Variants in C1QL4 observed in about 807,000 individuals in gnomAD.
C1QL4 encodes the protein complement C1q-like protein 4.
In C1QL4, 5 loss-of-function variants were observed where a neutral mutation model predicts 13.4. The ratio of observed to expected loss-of-function variants is 0.37; its 90% CI spans 0.19 to 0.78. The LOEUF is 0.78. Among genes scored for constraint, C1QL4 ranks in the 30% least tolerant of loss-of-function variants. C1QL4 has a pLI of 0.47. For missense variants in C1QL4, 367 were observed against 361.6 expected, an observed-to-expected ratio of 1.01 and a Z score of -0.12; for synonymous variants, 168 against 153.9, an observed-to-expected ratio of 1.09 and a Z score of -0.68.
intron 1 of C1QL4, among the ~76,000 whole-genome samples, chr12:49,333,687 C>A (rs1402661619): frequency 1.3e-5 from 2 of 151,380 alleles, no homozygotes; most frequent in Non-Finnish European, 2.9e-5. Flanking sequence ...CAGACGCCTA[C>A]TACCACGCCC....
Position 49,332,605 on chromosome 12 carries a change from G to C in C1QL4, c.*449C>G, listed in dbSNP as rs537986322. The C allele has an allele frequency of 6.2e-6, 1 of 162,000 alleles. No homozygotes were observed. Among genetic ancestry groups the C allele is most frequent in the African/African-American group, 2.4e-5 (1 of 41,554 alleles). The allele number at this position is 162,000 out of a possible 1,614,324, so 10.0% of individuals were successfully genotyped here. A position where few individuals can be genotyped will look rare whatever the true frequency, so the allele number is the denominator to read the frequency against. ...GGAGACGAGGGGACGAGAGGGTGGC[G>C]AGAGAAAGTTGTGACGGAGAACCTG... On this transcript the variant is annotated 3_prime_UTR_variant, in exon 2 of 2. Transcript: ENST00000334221.
chr12:49,335,871 T>C (rs1943626394), intron 1 of C1QL4, 70 bp downstream of exon 1: 1 of 1,508,326 alleles, frequency 6.6e-7, no homozygotes, highest in Non-Finnish European at 9.0e-7. Flanking sequence ...TAATCTCAGG[T>C]TGTGGGATGA....
chr12:49,332,498 G>C lies in C1QL4; in HGVS notation c.*556C>G. On this transcript the variant is annotated 3_prime_UTR_variant, in exon 2 of 2. Transcript: ENST00000334221. ...GGGGGGAATGGGGACTGTACAGAAT[G>C]CGTTTTAAATGCCAGGAAAGAATTC... 1 of 160,092 alleles carries C rather than the reference G, an allele frequency of 6.2e-6. No individual in the cohort carries two copies. The highest frequency in any genetic ancestry group is 1.7e-4 in the South Asian group (1 of 5,820). The allele number at this position is 160,092 out of a possible 1,614,324, so 9.9% of individuals were successfully genotyped here.
chr12:49,333,184 G>A lies in C1QL4; in HGVS notation c.587C>T (p.Ala196Val). Reference protein sequence around the residue: ...AQDADQNYDYASNSVILHLDV... With the variant: ...AQDADQNYDYVSNSVILHLDV... ...CAGGTGCAGAATGACGCTGTTGCTG[G>A]CGTAGTCGTAGTTCTGGTCCGCGTC... Residue 196 changes from alanine (A) to valine (V), a missense_variant, in exon 2 of 2, where the codon GCC becomes GTC. Coordinates refer to ENST00000334221, the MANE Select transcript of C1QL4 (RefSeq NM_001008223.2). 6.2e-7 allele frequency: 1 copy of A among 1,614,130 alleles called. No homozygotes were observed. Among genetic ancestry groups the A allele is most frequent in the South Asian group, 1.1e-5 (1 of 91,078 alleles).
At chr12:49,333,378 G>T in intron 1 of C1QL4, 145 bp from the exon 2 acceptor site, 1 of 769,390 alleles carries the variant, frequency 1.3e-6, no homozygotes, top group Non-Finnish European at 2.0e-6. Context: ...TCACGGAGTT[G>T]CTCCAGCTCT....
At position 49,333,096 on chromosome 12, in the gene C1QL4, G is replaced by C; in HGVS notation, c.675C>G (p.Asn225Lys). The C allele has an allele frequency of 6.2e-7, 1 of 1,614,054 alleles. No homozygotes were observed. Among genetic ancestry groups the C allele is most frequent in the Non-Finnish European group, 8.5e-7 (1 of 1,179,946 alleles). The change falls in exon 2 of 2, where the codon AAC becomes AAG. Residue 225 changes from asparagine (N) to lysine (K), a missense_variant. Asn to Lys is a moderately conservative substitution (Grantham distance 94). Coordinates refer to ENST00000334221, the MANE Select transcript of C1QL4 (RefSeq NM_001008223.2). ...TGAAGCCGGAGAAGGTGCTGTACTT[G>C]TTGGTGTTGCCGCCGTGCACTTTCC... ...DGGKVHGGNT[N>K]KYSTFSGFII...
At chr12:49,335,818 G>C in intron 1 of C1QL4, 123 bp downstream of exon 1, 2 of 1,235,660 alleles carry the variant, frequency 1.6e-6, no homozygotes, top group South Asian at 2.9e-5. Context: ...TATCGTTCTT[G>C]GCAGCCTCGC....
chr12:49,334,784 A>T (rs974997514), intron 1 of C1QL4, among the ~76,000 whole-genome samples: 1 of 152,060 alleles, frequency 6.6e-6, no homozygotes, highest in Non-Finnish European at 1.5e-5. Flanking sequence ...ACTCCCTGAC[A>T]CACATACATA....
chr12:49,335,306 CCA>C lies in C1QL4; in HGVS notation c.537+633_537+634del, dbSNP rs1184371279. Among the ~76,000 whole-genome samples, 4 of 152,384 alleles carry C rather than the reference CCA, an allele frequency of 2.6e-5. No individual in the cohort carries two copies. The East Asian group carries it at 7.7e-4, about 29-fold the overall frequency. ...CCTGGCTGGCCCTTGAGCTGCCAAG[CCA>C]CAGACTCTGCTGAGGGCAAGGCCGT... On this transcript the variant is annotated intron_variant, in intron 1 of 1. Transcript: ENST00000334221.
chr12:49,334,252 G>T (rs575194718), intron 1 of C1QL4, among the ~76,000 whole-genome samples: 1 of 152,144 alleles, frequency 6.6e-6, no homozygotes, highest in Non-Finnish European at 1.5e-5. Flanking sequence ...ATTCTGAACC[G>T]GCTGGGACCT....
At chr12:49,334,496 CT>C (rs1943616489) in intron 1 of C1QL4, among the ~76,000 whole-genome samples, 1 of 152,242 alleles carries the variant, frequency 6.6e-6, no homozygotes, top group Non-Finnish European at 1.5e-5. Context: ...TTCAGCCCCC[CT>C]CTTCTAGAGA....
Position 49,333,050 on chromosome 12 carries a change from C to T in C1QL4, c.*4G>A, listed in dbSNP as rs374251837. 5.0e-6 allele frequency: 8 copies of T among 1,609,200 alleles called. No homozygotes were observed. Among genetic ancestry groups the T allele is most frequent in the African/African-American group, 1.3e-5 (1 of 74,798 alleles). Reference sequence around the variant, plus strand: ...GGCGAGCGGGGGCACGGGGCGGGGCCGGCTCAGTCGGGGTAGATGATGAAG... The same window carrying T: ...GGCGAGCGGGGGCACGGGGCGGGGCTGGCTCAGTCGGGGTAGATGATGAAG... On this transcript the variant is annotated 3_prime_UTR_variant, in exon 2 of 2. Transcript: ENST00000334221.
chr12:49,333,147 G>T lies in C1QL4; in HGVS notation c.624C>A (p.Asp208Glu), dbSNP rs143197428. ...NSVILHLDVG[D>E]EVFIKLDGGK... is the part of the protein sequence containing the mutation. ...CGCCGTCCAGCTTGATGAAGACCTC[G>T]TCGCCCACGTCCAGGTGCAGAATGA... The change falls in exon 2 of 2, where the codon GAC (aspartate) becomes GAA (glutamate). Residue 208 changes from aspartate to glutamate, a missense_variant. By Grantham distance (45) the Asp-to-Glu change is conservative (BLOSUM62 2). Coordinates refer to ENST00000334221, the MANE Select transcript of C1QL4 (RefSeq NM_001008223.2). The T allele has an allele frequency of 2.7e-4, 442 of 1,614,176 alleles. No homozygotes were observed. Among genetic ancestry groups the T allele is most frequent in the Admixed American group, 7.3e-4 (44 of 60,028 alleles).
Position 49,336,608 on chromosome 12 carries a change from G to T in C1QL4, c.-131C>A. The stretch of plus-strand genomic sequence containing the variant: ...CGGGGCTCTCCGCGGGCCAGGAGGC[G>T]GTGACCCGCCTTGGGCCTGGGTCTG... On this transcript the variant is annotated 5_prime_UTR_variant, in exon 1 of 2. Transcript: ENST00000334221. The surrounding 1 kb of genome is among the most constrained non-coding windows in gnomAD (Gnocchi z 7.7). The T allele has an allele frequency of 9.0e-7, 1 of 1,111,078 alleles. No homozygotes were observed. Among genetic ancestry groups the T allele is most frequent in the South Asian group, 2.0e-5 (1 of 49,526 alleles). 68.8% of individuals were successfully genotyped at this position (1,111,078 alleles called of 1,614,324 possible). A position where few individuals can be genotyped will look rare whatever the true frequency, so the allele number is the denominator to read the frequency against.
chr12:49,333,805 T>C (rs1943610982), intron 1 of C1QL4, among the ~76,000 whole-genome samples: 1 of 151,748 alleles, frequency 6.6e-6, no homozygotes, highest in African/African-American at 2.4e-5. Flanking sequence ...CTCAAAGTGC[T>C]GAGATTACAG....
Position 49,333,184 on chromosome 12 carries a change from G to C in C1QL4, c.587C>G (p.Ala196Gly). 1 of 1,614,130 alleles carries C rather than the reference G, an allele frequency of 6.2e-7. No homozygotes were observed. The highest frequency in any genetic ancestry group is 1.3e-5 in the African/African-American group (1 of 75,046). ...AQDADQNYDY[A>G]SNSVILHLDV... Reference sequence around the variant, plus strand: ...CAGGTGCAGAATGACGCTGTTGCTGGCGTAGTCGTAGTTCTGGTCCGCGTC... The same window carrying C: ...CAGGTGCAGAATGACGCTGTTGCTGCCGTAGTCGTAGTTCTGGTCCGCGTC... Residue 196 changes from alanine to glycine, a missense_variant, in exon 2 of 2, where the codon GCC becomes GGC. By Grantham distance (60) the Ala-to-Gly change is moderately conservative (BLOSUM62 0). Coordinates refer to ENST00000334221, the MANE Select transcript of C1QL4 (RefSeq NM_001008223.2).
Position 49,336,273 on chromosome 12 carries a change from G to C in C1QL4, c.205C>G (p.Arg69Gly). ...GGACCTGGTGGTCCAGGGGGCCCCCGCAGGCCTGCTTTCCCGCGCCGGCCC... is the reference window on the plus strand; with the variant it reads ...GGACCTGGTGGTCCAGGGGGCCCCCCCAGGCCTGCTTTCCCGCGCCGGCCC... ...EVGRRGKAGL[R>G]GPPGPPGPRG... is the part of the protein sequence containing the mutation. The change falls in exon 1 of 2, where the codon CGG (arginine) becomes GGG (glycine). Residue 69 changes from arginine to glycine, a missense_variant. Arg to Gly is a moderately radical substitution (Grantham distance 125). Coordinates refer to ENST00000334221, the MANE Select transcript of C1QL4 (RefSeq NM_001008223.2). The surrounding 1 kb of genome is among the most constrained non-coding windows in gnomAD (Gnocchi z 7.7). The C allele has an allele frequency of 7.0e-7, 1 of 1,426,876 alleles. No individual in the cohort carries two copies. The highest frequency in any genetic ancestry group is 9.1e-7 in the Non-Finnish European group (1 of 1,097,212). The allele number at this position is 1,426,876 out of a possible 1,614,324, so 88.4% of individuals were successfully genotyped here. A position where few individuals can be genotyped will look rare whatever the true frequency, so the allele number is the denominator to read the frequency against.
rs769186830 is a variant in C1QL4, at chr12:49,333,273, C to T, written c.538-40G>A. ...GAACCTGCTCATGCTCTGTGTGGAG[C>T]TGGGGTGACGAGAGGGGTCGGGGCG... On this transcript the variant is annotated intron_variant, in intron 1 of 1. Coordinates refer to ENST00000334221, the MANE Select transcript of C1QL4 (RefSeq NM_001008223.2). The T allele has an allele frequency of 3.2e-6, 5 of 1,586,798 alleles. No individual in the cohort carries two copies. The Middle Eastern group carries it at 9.8e-4, about 312-fold the overall frequency.
intron 1 of C1QL4, among the ~76,000 whole-genome samples, chr12:49,334,436 G>A (rs113961000): frequency 1.7e-4 from 26 of 152,340 alleles, no homozygotes; most frequent in African/African-American, 6.3e-4. Flanking sequence ...TCTTCTGCCA[G>A]AACAGGGAGC....
Sources: gnomAD v4.1 joint callset for allele counts (sites outside exome capture counted in the v4.1 genomes callset) on GRCh38, gnomAD v4.1.1 for gene constraint, Gnocchi (gnomAD v3.1) non-coding constraint, MANE v1.5 for transcripts, NCBI Gene and HGNC (gene_info 2026-07-23, HGNC 2026-07-21) for gene names.